SNF8: variants seen among roughly 807,000 people sequenced by gnomAD.
SNF8 encodes the protein SNF8 subunit of ESCRT-II.
SNF8 carries 19 observed loss-of-function variants against 36.8 expected under a neutral mutation model. The ratio of observed to expected loss-of-function variants is 0.52; its 90% CI spans 0.36 to 0.76. SNF8 has a LOEUF of 0.76. Ranked by LOEUF, SNF8 falls within the 30% of genes least tolerant of loss-of-function variation. The probability of loss-of-function intolerance (pLI) is 0.00; values close to 1 mark genes in which losing one functional copy is unlikely to be tolerated. For missense variants in SNF8, 268 were observed against 322.9 expected, an observed-to-expected ratio of 0.83 and a Z score of 1.30; for synonymous variants, 127 against 127.4, an observed-to-expected ratio of 1.00 and a Z score of 0.02.
chr17:48,930,675 T>G lies in SNF8; in HGVS notation c.640-63A>C. On this transcript the variant is annotated intron_variant, in intron 7 of 7. Transcript: ENST00000502492. ...GGAGGTTCCATAGACAAAGGGTAGG[T>G]AAGCAACCCCCACACCTATTTTGGC... 2.0e-6 allele frequency: 3 copies of G among 1,534,672 alleles called. No individual in the cohort carries two copies. In the East Asian group the frequency reaches 6.9e-5, roughly 35 times the overall value.
chr17:48,935,682 GAA>G (rs986179583), intron 5 of SNF8: 1 of 151,348 alleles, frequency 6.6e-6, no homozygotes, highest in African/African-American at 2.4e-5. Flanking sequence ...CTTTCTCAAA[GAA>G]AAAAAAGACT....
At chr17:48,936,131 C>T in intron 5 of SNF8, 39 bp downstream of exon 5, 1 of 1,488,008 alleles carries the variant, frequency 6.7e-7, no homozygotes, top group Non-Finnish European at 9.4e-7. Flanking sequence ...TTTTAAAGAC[C>T]TCTTTCTGTA....
chr17:48,943,896 C>T, intron 2 of SNF8, 29 bp downstream of exon 2: 1 of 1,610,906 alleles, frequency 6.2e-7, no homozygotes, highest in Non-Finnish European at 8.5e-7. Flanking sequence ...AGGTCTCCCT[C>T]CCTGCCTGGG....
chr17:48,943,692 C>T (rs2041063573), intron 2 of SNF8, among the ~76,000 whole-genome samples: 1 of 152,110 alleles, frequency 6.6e-6, no homozygotes, highest in African/African-American at 2.4e-5. Context: ...ACAAGACAGT[C>T]TATGTAAAGA....
intron 2 of SNF8, among the ~76,000 whole-genome samples, chr17:48,942,156 C>G (rs908790941): frequency 6.6e-6 from 1 of 151,942 alleles, no homozygotes; most frequent in East Asian, 1.9e-4. Flanking sequence ...TTGTATTACC[C>G]CTTCTCTTTT....
intron 3 of SNF8, among the ~76,000 whole-genome samples, chr17:48,939,277 A>C (rs1567788437): frequency 6.6e-6 from 1 of 150,944 alleles, no homozygotes; most frequent in Non-Finnish European, 1.5e-5. Flanking sequence ...GAAAAAAAAA[A>C]AAAAAAACAC....
At chr17:48,935,461 A>C (rs1391538943) in intron 5 of SNF8, among the ~76,000 whole-genome samples, 1 of 149,624 alleles carries the variant, frequency 6.7e-6, no homozygotes, top group African/African-American at 2.5e-5. Context: ...TGCAGTGAGC[A>C]GAGATCACGC....
intron 4 of SNF8, 106 bp downstream of exon 4, chr17:48,936,914 A>G: frequency 1.2e-6 from 1 of 824,734 alleles, no homozygotes; most frequent in Non-Finnish European, 2.1e-6. Context: ...ATGTCTCTCA[A>G]GTCCTTAGAG....
At position 48,937,028 on chromosome 17, in the gene SNF8, C is replaced by T. The variant is rs751738449; in HGVS notation, c.341G>A (p.Arg114Gln). The T allele has an allele frequency of 5.6e-6, 9 of 1,613,004 alleles. No homozygotes were observed. Among genetic ancestry groups the T allele is most frequent in the East Asian group, 2.2e-5 (1 of 44,888 alleles). Residue 114 changes from arginine to glutamine, a missense_variant, in exon 4 of 8, where the codon CGG (arginine) becomes CAG (glutamine). Arg to Gln is a conservative substitution (Grantham distance 43). Transcript: ENST00000502492. ...IIEVCLALKH[R>Q]NGGLITLEEL... Reference sequence around the variant, plus strand: ...GACCTAGCCACCCTCACCTCCATTCCGATGCTTCAGCGCCAGGCACACTTC... The same window carrying T: ...GACCTAGCCACCCTCACCTCCATTCTGATGCTTCAGCGCCAGGCACACTTC...
intron 2 of SNF8, 53 bp downstream of exon 2, chr17:48,943,872 G>T: frequency 6.6e-7 from 1 of 1,509,728 alleles, no homozygotes; most frequent in Non-Finnish European, 9.2e-7. Context: ...AAGGTGTCTT[G>T]GCCAGACCTG....
At chr17:48,941,286 C>T (rs2041019586) in intron 2 of SNF8, among the ~76,000 whole-genome samples, 1 of 152,018 alleles carries the variant, frequency 6.6e-6, no homozygotes, top group Non-Finnish European at 1.5e-5. Context: ...CCAAAATACA[C>T]AATTTTTCAT....
At chr17:48,944,185 C>T in intron 1 of SNF8, 2 of 501,342 alleles carry the variant, frequency 4.0e-6, no homozygotes, top group Non-Finnish European at 7.3e-6. Context: ...GCCTGTAGTC[C>T]CAGCTACTCA....
intron 2 of SNF8, among the ~76,000 whole-genome samples, chr17:48,943,343 G>C (rs1407636963): frequency 2.0e-5 from 3 of 152,184 alleles, no homozygotes; most frequent in African/African-American, 7.2e-5. Context: ...CGGCACAGTG[G>C]CTCACGCCTT....
rs534046106 is a variant in SNF8, at chr17:48,940,071, T to A, written c.244+853A>T. Among the ~76,000 whole-genome samples the A allele has an allele frequency of 2.1e-3, 44 of 20,934 alleles. No homozygotes were observed. In the East Asian group the frequency reaches 0.053, roughly 25 times the overall value. 13.7% of individuals were successfully genotyped at this position (20,934 alleles called of 152,430 possible). ...GCGTAGGTGACAGAGCAAGACTGTC[T>A]CAAAAAAAAAAAAAAAAAAAAATTT... On this transcript the variant is annotated intron_variant, in intron 3 of 7. Transcript: ENST00000502492.
intron 3 of SNF8, among the ~76,000 whole-genome samples, chr17:48,938,248 G>A (rs952170435): frequency 6.6e-6 from 1 of 152,102 alleles, no homozygotes; most frequent in Admixed American, 6.6e-5. Flanking sequence ...TGTAATCCCA[G>A]CACTTTGGGA....
In SNF8 at chr17:48,936,195, C is replaced by T; in HGVS notation, c.397G>A (p.Gly133Ser). ...TGACTGACATCCTGGGCGAACTTGC[C>T]CCTTCCCTTCAACACCTGTTGATGT... ...ELHQQVLKGR[G>S]KFAQDVSQDD... is the part of the protein sequence containing the mutation. Residue 133 changes from glycine to serine, a missense_variant, in exon 5 of 8, where the codon GGC (glycine) becomes AGC (serine). By Grantham distance (56) the Gly-to-Ser change is moderately conservative. Transcript: ENST00000502492. 6.2e-7 allele frequency: 1 copy of T among 1,613,970 alleles called. No individual in the cohort carries two copies. The highest frequency in any genetic ancestry group is 8.5e-7 in the Non-Finnish European group (1 of 1,179,930).
At chr17:48,931,900 G>A (rs375688831) in intron 6 of SNF8, 183 bp from the exon 7 acceptor site, 2 of 509,870 alleles carry the variant, frequency 3.9e-6, no homozygotes, top group Non-Finnish European at 7.0e-6. Flanking sequence ...CATGACAGAG[G>A]TAGGTTGGTG....
At position 48,930,437 on chromosome 17, in the gene SNF8, T is replaced by G. The variant is rs1428728858; in HGVS notation, c.*38A>C. ...CCCAGGTTTATTTGCCACCTCCGCC[T>G]CCTCCCTGCCTGCTGCTGTGTGCCC... On this transcript the variant is annotated 3_prime_UTR_variant, in exon 8 of 8. Coordinates refer to ENST00000502492, the MANE Select transcript of SNF8 (RefSeq NM_007241.4). 17 of 1,477,852 alleles carry G rather than the reference T, an allele frequency of 1.2e-5. No homozygotes were observed. The Admixed American group carries it at 2.5e-4, about 21-fold the overall frequency. 91.5% of individuals were successfully genotyped at this position (1,477,852 alleles called of 1,614,324 possible). A position where few individuals can be genotyped will look rare whatever the true frequency, so the allele number is the denominator to read the frequency against.
rs1335498480 is a variant in SNF8 at position 48,930,350 on chromosome 17, AAG to A, written c.*123_*124del. On this transcript the variant is annotated 3_prime_UTR_variant, in exon 8 of 8. Transcript: ENST00000502492. ...ACGTGAAGGCACTTTTCAAAAATAA[AAG>A]AATGAGGGAAGAAAGAAAAACTTGG... The A allele has an allele frequency of 1.7e-6, 2 of 1,146,264 alleles. No homozygotes were observed. The highest frequency in any genetic ancestry group is 3.1e-5 in the African/African-American group (2 of 64,346). 71.0% of individuals were successfully genotyped at this position (1,146,264 alleles called of 1,614,324 possible). A position where few individuals can be genotyped will look rare whatever the true frequency, so the allele number is the denominator to read the frequency against.
Sources: allele counts gnomAD v4.1 joint callset (sites outside exome capture counted in the v4.1 genomes callset), GRCh38; gene constraint gnomAD v4.1.1; transcripts MANE v1.5; gene names NCBI Gene and HGNC (gene_info 2026-07-23, HGNC 2026-07-21).